POFUT1: variants seen among roughly 807,000 people sequenced by gnomAD.
POFUT1 encodes GDP-fucose protein O-fucosyltransferase 1.
In POFUT1, 16 loss-of-function variants were observed where a neutral mutation model predicts 42.4. The ratio of observed to expected loss-of-function variants is 0.38; its 90% confidence interval spans 0.26 to 0.57. The LOEUF is 0.57. POFUT1 is among the 20% of genes least tolerant of loss of function. POFUT1 has a pLI of 0.71. For missense variants in POFUT1, 470 were observed against 504.6 expected, an observed-to-expected ratio of 0.93 and a Z score of 0.66; for synonymous variants, 206 against 205.4, an observed-to-expected ratio of 1.00 and a Z score of -0.03.
At chr20:32,209,955 A>G in intron 1 of POFUT1, 116 bp from the exon 2 acceptor site, 1 of 1,096,248 alleles carries the variant, frequency 9.1e-7, no homozygotes, top group South Asian at 1.4e-5. Flanking sequence ...CAGCTCCCCT[A>G]GTTCTCCTTG....
intron 4 of POFUT1, among the ~76,000 whole-genome samples, chr20:32,218,698 T>G (rs2047375107): frequency 1.3e-5 from 2 of 151,770 alleles, no homozygotes. Context: ...CCTCAAAGGA[T>G]GGAGATTTGC....
At chr20:32,208,157 G>C (rs2047303951) in intron 1 of POFUT1, 92 bp downstream of exon 1, 1 of 1,291,184 alleles carries the variant, frequency 7.7e-7, no homozygotes, top group Non-Finnish European at 1.1e-6. Flanking sequence ...CACCTTCACA[G>C]GTCCAGGAGA....
At position 32,237,525 on chromosome 20, in the gene POFUT1, G is replaced by C. The variant is rs1417278188; in HGVS notation, c.*2864G>C. ...GAGTGTGTTCCTGAAGAGCAGCCAG[G>C]AGGCCAGCATGGCTGGAGAGGCAGG... On this transcript the variant is annotated 3_prime_UTR_variant, in exon 7 of 7. Coordinates refer to ENST00000375749, the MANE Select transcript of POFUT1 (RefSeq NM_015352.2). 1.3e-5 allele frequency: 3 copies of C among 230,846 alleles called. No homozygotes were observed. The East Asian group carries it at 2.9e-4, about 22-fold the overall frequency. 14.3% of individuals were successfully genotyped at this position (230,846 alleles called of 1,614,324 possible).
chr20:32,234,511 C>T lies in POFUT1; in HGVS notation c.1017C>T (p.Val339=), dbSNP rs144291787. The change falls in exon 7 of 7, where the codon GTC becomes GTT. Residue 339 remains valine (V), a synonymous_variant. Transcript: ENST00000375749. ...VVSLKPEVAQ[V]DLYILGQADH... is the part of the protein sequence containing the mutation. Reference sequence around the variant, plus strand: ...GCCTGAAGCCTGAGGTGGCCCAGGTCGACCTGTACATCCTCGGCCAAGCCG... The same window carrying T: ...GCCTGAAGCCTGAGGTGGCCCAGGTTGACCTGTACATCCTCGGCCAAGCCG... 164 of 1,612,872 alleles carry T rather than the reference C, an allele frequency of 1.0e-4. No individual in the cohort carries two copies. Among genetic ancestry groups the T allele is most frequent in the Middle Eastern group, 1.6e-4 (1 of 6,074 alleles).
chr20:32,208,648 C>A (rs1441752098), intron 1 of POFUT1, among the ~76,000 whole-genome samples: 18 of 93,604 alleles, frequency 1.9e-4, no homozygotes, highest in Non-Finnish European at 2.6e-4. Flanking sequence ...AATCCAATCT[C>A]AAAAAAAAAA....
intron 4 of POFUT1, among the ~76,000 whole-genome samples, chr20:32,218,946 A>C (rs540084576): frequency 2.7e-4 from 41 of 152,298 alleles, no homozygotes; most frequent in African/African-American, 9.1e-4. Context: ...CCTTACAGCC[A>C]AGTTTTTGGG....
rs1359907706 is a variant in POFUT1, at chr20:32,210,114, A to G, written c.168A>G (p.Ala56=). The G allele has an allele frequency of 6.2e-7, 1 of 1,614,010 alleles. No homozygotes were observed. The highest frequency in any genetic ancestry group is 1.7e-5 in the Admixed American group (1 of 59,996). Residue 56 remains alanine (A), a synonymous_variant, in exon 2 of 7, where the codon GCA becomes GCG. Transcript: ENST00000375749. ...CCGATCACTTCTTGGGCTCTCTGGC[A>G]TTTGCAAAGCTGCTAAACCGTACCT... is the stretch of plus-strand genomic sequence containing the variant. The part of the protein sequence containing the change: ...NQADHFLGSL[A]FAKLLNRTLA...
rs2047303315 is a variant in POFUT1 at position 32,208,081 on chromosome 20, C to T, written c.124+16C>T. 2 of 1,541,128 alleles carry T rather than the reference C, an allele frequency of 1.3e-6. No homozygotes were observed. Among genetic ancestry groups the T allele is most frequent in the Non-Finnish European group, 1.7e-6 (2 of 1,147,700 alleles). On this transcript the variant is annotated intron_variant, in intron 1 of 6. Transcript: ENST00000375749. The stretch of plus-strand genomic sequence containing the variant: ...CCCTGCATGGGTAAGGCCTCCCAAG[C>T]CCTCTGCTCAGATGGAGAAACTGAG...
At position 32,231,362 on chromosome 20, in the gene POFUT1, T is replaced by G. The variant is rs8118514; in HGVS notation, c.978+301T>G. The G allele has an allele frequency of 7.6e-3, 2,771 of 365,322 alleles. 84 individuals are homozygous for G. Among genetic ancestry groups the G allele is most frequent in the African/African-American group, 0.052 (2,480 of 47,890 alleles). The allele number at this position is 365,322 out of a possible 1,614,324, so 22.6% of individuals were successfully genotyped here. On this transcript the variant is annotated intron_variant, in intron 6 of 6. Coordinates refer to ENST00000375749, the MANE Select transcript of POFUT1 (RefSeq NM_015352.2). ...GACTGGTGTAGAAATATGTCTTATT[T>G]CCTCCCAGGAGCTGTGGGCTCCTTG...
chr20:32,218,301 G>A lies in POFUT1; in HGVS notation c.542+1580G>A, dbSNP rs761308882. Among the ~76,000 whole-genome samples, 5 of 152,154 alleles carry A rather than the reference G, an allele frequency of 3.3e-5. No individual in the cohort carries two copies. The East Asian group carries it at 7.7e-4, about 24-fold the overall frequency. ...GCAGGCATGTGCCACCATGCCTGAC[G>A]AATATTTTGTTTTGTTTTGTACAAA... On this transcript the variant is annotated intron_variant, in intron 4 of 6. Transcript: ENST00000375749.
chr20:32,208,245 A>G (rs189780563), intron 1 of POFUT1, among the ~76,000 whole-genome samples, 180 bp downstream of exon 1: 1 of 152,260 alleles, frequency 6.6e-6, no homozygotes, highest in East Asian at 1.9e-4. Context: ...AACGTGTCCA[A>G]CTTTCCATTT....
rs1385808630 is a variant in POFUT1, at chr20:32,238,629, A to C, written c.*3968A>C. On this transcript the variant is annotated 3_prime_UTR_variant, in exon 7 of 7. Coordinates refer to ENST00000375749, the MANE Select transcript of POFUT1 (RefSeq NM_015352.2). ...CAAATATAAATAAAAAATTGTGAGTAATAAAATGAACTCACAGTTTCAACA... is the reference window on the plus strand; with the variant it reads ...CAAATATAAATAAAAAATTGTGAGTCATAAAATGAACTCACAGTTTCAACA... 8 of 152,222 alleles carry C rather than the reference A, an allele frequency of 5.3e-5. No individual in the cohort carries two copies. The highest frequency in any genetic ancestry group is 1.7e-4 in the African/African-American group (7 of 41,448). The allele number at this position is 152,222 out of a possible 1,614,324, so 9.4% of individuals were successfully genotyped here. A position where few individuals can be genotyped will look rare whatever the true frequency, so the allele number is the denominator to read the frequency against.
chr20:32,228,107 C>T (rs563872365), intron 4 of POFUT1, among the ~76,000 whole-genome samples, 156 bp from the exon 5 acceptor site: 1 of 152,194 alleles, frequency 6.6e-6, no homozygotes, highest in East Asian at 1.9e-4. Context: ...CTTATCAGCC[C>T]GTTGGTATTT....
rs897728951 is a variant in POFUT1 at position 32,216,878 on chromosome 20, G to A, written c.542+157G>A. On this transcript the variant is annotated intron_variant, in intron 4 of 6. Transcript: ENST00000375749. ...TTGAACTTGGAATCCTGTGTGATCT[G>A]TTCCCATGTCCACGCCTGACACGGT... 19 of 1,514,412 alleles carry A rather than the reference G, an allele frequency of 1.3e-5. No individual in the cohort carries two copies. The Admixed American group carries it at 1.8e-4, about 14-fold the overall frequency. 93.8% of individuals were successfully genotyped at this position (1,514,412 alleles called of 1,614,324 possible).
At position 32,229,509 on chromosome 20, in the gene POFUT1, G is replaced by T. The variant is rs906857535; in HGVS notation, c.735+1054G>T. ...ATGATAAAAACTCATAACTAACCAG[G>T]AATAGAATGGACCCACCTTAACTTG... On this transcript the variant is annotated intron_variant, in intron 5 of 6. Coordinates refer to ENST00000375749, the MANE Select transcript of POFUT1 (RefSeq NM_015352.2). Among the ~76,000 whole-genome samples, 3 of 152,240 alleles carry T rather than the reference G, an allele frequency of 2.0e-5. No individual in the cohort carries two copies. The East Asian group carries it at 5.8e-4, about 29-fold the overall frequency.
At chr20:32,225,863 A>G (rs2047412294) in intron 4 of POFUT1, among the ~76,000 whole-genome samples, 1 of 152,220 alleles carries the variant, frequency 6.6e-6, no homozygotes, top group Admixed American at 6.5e-5. Context: ...TATTATGTGG[A>G]TGAGGAGCTA....
At chr20:32,221,533 G>C (rs1221008407) in intron 4 of POFUT1, among the ~76,000 whole-genome samples, 4 of 151,760 alleles carry the variant, frequency 2.6e-5, no homozygotes, top group Non-Finnish European at 5.9e-5. Flanking sequence ...GGCAACGTAG[G>C]GAGACCCCAT....
intron 4 of POFUT1, among the ~76,000 whole-genome samples, chr20:32,227,130 A>G (rs2047418456): frequency 6.6e-6 from 1 of 152,162 alleles, no homozygotes; most frequent in Non-Finnish European, 1.5e-5. Context: ...TTGAAAGTGC[A>G]TTGTGAACAT....
intron 5 of POFUT1, among the ~76,000 whole-genome samples, chr20:32,229,003 A>G (rs187000718): frequency 6.6e-6 from 1 of 152,340 alleles, no homozygotes; most frequent in East Asian, 1.9e-4. Flanking sequence ...ATTGCAGAAA[A>G]CTTGAAAAAT....
Sources: allele counts gnomAD v4.1 joint callset (sites outside exome capture counted in the v4.1 genomes callset), GRCh38; gene constraint gnomAD v4.1.1; transcripts MANE v1.5; gene names NCBI Gene and HGNC (gene_info 2026-07-23, HGNC 2026-07-21).